Variants in BRD4 observed in about 807,000 individuals in gnomAD.
The protein encoded by BRD4 is bromodomain-containing protein 4.
A neutral mutation model predicts 142.1 loss-of-function variants in BRD4; 16 were observed. That is an observed-to-expected ratio of 0.11 (90% confidence interval 0.08 to 0.17). BRD4 has a LOEUF of 0.17. Among genes scored for constraint, BRD4 ranks in the 10% least tolerant of loss-of-function variants. BRD4 has a pLI of 1.00. For synonymous variants in BRD4, 833 were observed against 707.5 expected, an observed-to-expected ratio of 1.18 and a Z score of -2.82; for missense variants, 1,424 against 1,810.9, an observed-to-expected ratio of 0.79 and a Z score of 3.88.
At chr19:15,270,141 G>C (rs958209101) in intron 2 of BRD4, among the ~76,000 whole-genome samples, 2 of 152,196 alleles carry the variant, frequency 1.3e-5, no homozygotes, top group Non-Finnish European at 2.9e-5. Flanking sequence ...GGAGTCCCAC[G>C]GTAGAGGCAC....
intron 1 of BRD4, among the ~76,000 whole-genome samples, chr19:15,283,532 AGAG>A (rs2047720124): frequency 6.6e-6 from 1 of 152,206 alleles, no homozygotes; most frequent in Non-Finnish European, 1.5e-5. Flanking sequence ...AAGCCAAGAG[AGAG>A]ATGAGTGAAA....
chr19:15,331,234 C>T (rs562985555), intron 1 of BRD4, among the ~76,000 whole-genome samples: 1 of 152,304 alleles, frequency 6.6e-6, no homozygotes, highest in African/African-American at 2.4e-5. Context: ...CATGCACCGG[C>T]CTGAACTAAA....
At chr19:15,312,160 C>T (rs1424929344) in intron 1 of BRD4, among the ~76,000 whole-genome samples, 2 of 152,194 alleles carry the variant, frequency 1.3e-5, no homozygotes, top group Non-Finnish European at 2.9e-5. Flanking sequence ...TGAAATGCCA[C>T]ACAAAGCAAG....
intron 7 of BRD4, among the ~76,000 whole-genome samples, chr19:15,258,892 G>C (rs2047440057): frequency 6.6e-6 from 1 of 152,188 alleles, no homozygotes. Flanking sequence ...ACTGCACCCA[G>C]CAAATACCTT....
intron 1 of BRD4, among the ~76,000 whole-genome samples, chr19:15,300,198 C>T (rs2047856121): frequency 6.6e-6 from 1 of 152,052 alleles, no homozygotes; most frequent in Non-Finnish European, 1.5e-5. Flanking sequence ...TGAGACGTCA[C>T]AGCCACTGCA....
intron 7 of BRD4, 37 bp from the exon 8 acceptor site, chr19:15,257,210 T>C: frequency 6.4e-7 from 1 of 1,559,254 alleles, no homozygotes; most frequent in Non-Finnish European, 8.7e-7. Flanking sequence ...GGCTGCTGGG[T>C]ACCCAGGCCG....
intron 1 of BRD4, among the ~76,000 whole-genome samples, chr19:15,303,462 T>C (rs1465671415): frequency 6.6e-6 from 1 of 152,194 alleles, no homozygotes; most frequent in Non-Finnish European, 1.5e-5. Context: ...AACTCCGTAC[T>C]AGCTCTGACA....
chr19:15,324,954 T>C (rs921502257), intron 1 of BRD4, among the ~76,000 whole-genome samples: 1 of 152,204 alleles, frequency 6.6e-6, no homozygotes, highest in Non-Finnish European at 1.5e-5. Flanking sequence ...TTGGAAGACG[T>C]GGCACCTCTG....
intron 1 of BRD4, among the ~76,000 whole-genome samples, chr19:15,290,172 G>A (rs2047771237): frequency 6.6e-6 from 1 of 152,122 alleles, no homozygotes; most frequent in Admixed American, 6.5e-5. Context: ...ATCCATTGGA[G>A]ATTAAAAAGA....
intron 9 of BRD4, 79 bp downstream of exon 9, chr19:15,255,985 A>T (rs2047404168): frequency 1.3e-6 from 2 of 1,562,420 alleles, no homozygotes; most frequent in East Asian, 2.2e-5. Flanking sequence ...GAGGACAGGG[A>T]GGGGCAGTGG....
At chr19:15,242,389 C>T (rs1359294481) in intron 14 of BRD4, among the ~76,000 whole-genome samples, 1 of 152,128 alleles carries the variant, frequency 6.6e-6, no homozygotes, top group African/African-American at 2.4e-5. Flanking sequence ...AAAAGGGTGG[C>T]GTGGACTGGG....
intron 1 of BRD4, among the ~76,000 whole-genome samples, chr19:15,325,559 T>C (rs1279291589): frequency 1.3e-5 from 2 of 152,152 alleles, no homozygotes; most frequent in Non-Finnish European, 2.9e-5. Flanking sequence ...ACATCATCAT[T>C]TGTGGGGGAA....
chr19:15,279,600 A>G (rs1286836669), intron 1 of BRD4, among the ~76,000 whole-genome samples: 1 of 152,174 alleles, frequency 6.6e-6, no homozygotes, highest in Non-Finnish European at 1.5e-5. Flanking sequence ...CCAGGAAAGG[A>G]GATTAGAAAG....
chr19:15,325,757 G>T lies in BRD4; in HGVS notation c.-35+6533C>A, dbSNP rs1002046419. Among the ~76,000 whole-genome samples the T allele has an allele frequency of 4.6e-5, 7 of 152,084 alleles. 1 individual carries two copies. In the South Asian group the frequency reaches 1.0e-3, roughly 23 times the overall value. On this transcript the variant is annotated intron_variant, in intron 1 of 19. Transcript: ENST00000679869. Reference sequence around the variant, plus strand: ...CTCACACCTATAATCCCACCACTTTGGGAGGCTGAGGCGGGCGGATCACCT... The same window carrying T: ...CTCACACCTATAATCCCACCACTTTTGGAGGCTGAGGCGGGCGGATCACCT...
At chr19:15,283,859 G>A (rs1174316923) in intron 1 of BRD4, among the ~76,000 whole-genome samples, 1 of 152,180 alleles carries the variant, frequency 6.6e-6, no homozygotes, top group Non-Finnish European at 1.5e-5. Flanking sequence ...AACAGGGCTG[G>A]CACAAGTGCT....
At chr19:15,307,801 A>G (rs2047927179) in intron 1 of BRD4, among the ~76,000 whole-genome samples, 1 of 151,972 alleles carries the variant, frequency 6.6e-6, no homozygotes, top group Non-Finnish European at 1.5e-5. Flanking sequence ...GTACTACCAG[A>G]TTGCCTAAGA....
rs2048082565 is a variant in BRD4 at position 15,323,526 on chromosome 19, C to T, written c.-35+8764G>A. On this transcript the variant is annotated intron_variant, in intron 1 of 19. Transcript: ENST00000679869. ...GTCCCCAAATTTTTCTCACCCTCTT[C>T]CCTTTTCTTTACACAAAACAAAACT... Among the ~76,000 whole-genome samples the T allele has an allele frequency of 5.3e-5, 8 of 152,166 alleles. No homozygotes were observed. The South Asian group carries it at 1.7e-3, about 32-fold the overall frequency.
At chr19:15,257,544 G>A (rs978192681) in intron 7 of BRD4, among the ~76,000 whole-genome samples, 1 of 152,154 alleles carries the variant, frequency 6.6e-6, no homozygotes, top group Admixed American at 6.5e-5. Flanking sequence ...AGTTAGCCGA[G>A]GCTCCCACCA....
intron 1 of BRD4, among the ~76,000 whole-genome samples, chr19:15,310,202 T>TA (rs1246536315): frequency 1.4e-5 from 2 of 144,022 alleles, no homozygotes; most frequent in Non-Finnish European, 3.0e-5. Flanking sequence ...CCAATCCATT[T>TA]TTAAACAGTC....
Sources: gnomAD v4.1 joint callset for allele counts (sites outside exome capture counted in the v4.1 genomes callset) on GRCh38, gnomAD v4.1.1 for gene constraint, MANE v1.5 for transcripts, NCBI Gene and HGNC (gene_info 2026-07-23, HGNC 2026-07-21) for gene names.